SH2D4B: variants seen among roughly 807,000 people sequenced by gnomAD.
The protein encoded by SH2D4B is SH2 domain containing 4B, also known as SH2 domain-containing protein 4B.
SH2D4B carries 45 observed loss-of-function variants against 61.5 expected under a neutral mutation model. The ratio of observed to expected loss-of-function variants is 0.73; its 90% CI spans 0.58 to 0.94. SH2D4B has a LOEUF of 0.94. SH2D4B is among the 40% of genes least tolerant of loss of function. The probability of loss-of-function intolerance (pLI) is 0.00; values close to 1 mark genes in which losing one functional copy is unlikely to be tolerated. For missense variants in SH2D4B, 572 were observed against 574.2 expected, an observed-to-expected ratio of 1.00 and a Z score of 0.04; for synonymous variants, 224 against 220.4, an observed-to-expected ratio of 1.02 and a Z score of -0.14.
At chr10:80,579,727 C>A (rs1199422150) in intron 3 of SH2D4B, among the ~76,000 whole-genome samples, 3 of 151,600 alleles carry the variant, frequency 2.0e-5, no homozygotes, top group African/African-American at 4.9e-5. Flanking sequence ...TTTGGAGTTC[C>A]TTTTGGCCAC....
chr10:80,634,443 A>T lies in SH2D4B; in HGVS notation c.1147A>T (p.Ser383Cys), dbSNP rs1184588999. ...TGTGGATGCTTCTGGGGATTTTTAC[A>T]GCTTCCTGGGAGTGGACCCCAATCG... Reference protein sequence around the residue: ...FLVDASGDFYSFLGVDPNRHA... With the variant: ...FLVDASGDFYCFLGVDPNRHA... Residue 383 changes from serine (S) to cysteine (C), a missense_variant, in exon 7 of 8, where the codon AGC becomes TGC. Ser to Cys is a moderately radical substitution (Grantham distance 112, BLOSUM62 -1). Coordinates refer to ENST00000646907, the MANE Select transcript of SH2D4B (RefSeq NM_001388272.1). 2.6e-6 allele frequency: 4 copies of T among 1,550,460 alleles called. No individual in the cohort carries two copies. In the East Asian group the frequency reaches 9.8e-5, roughly 38 times the overall value.
intron 1 of SH2D4B, chr10:80,540,774 A>T (rs1398309686): frequency 1.3e-6 from 2 of 1,525,934 alleles, no homozygotes; most frequent in Non-Finnish European, 1.8e-6. Flanking sequence ...TAGATGGATC[A>T]TAGGGAACAC....
Position 80,588,689 on chromosome 10 carries a change from G to C in SH2D4B, c.555G>C (p.Gln185His), listed in dbSNP as rs779811530. 3.1e-6 allele frequency: 5 copies of C among 1,614,130 alleles called. No homozygotes were observed. The Admixed American group carries it at 6.7e-5, about 22-fold the overall frequency. The change falls in exon 4 of 8, where the codon CAG becomes CAC. Residue 185 changes from glutamine to histidine, a missense_variant. Coordinates refer to ENST00000646907, the MANE Select transcript of SH2D4B (RefSeq NM_001388272.1). ...AGCAGATTCGCCTCCAGGAAGAGCA[G>C]AGGGCGAAGGAGCTCTACTGGACCC... is the stretch of plus-strand genomic sequence containing the variant. The part of the protein sequence containing the change: ...GEEQIRLQEE[Q>H]RAKELYWTLK...
intron 3 of SH2D4B, among the ~76,000 whole-genome samples, chr10:80,584,650 A>G (rs1842222243): frequency 6.6e-6 from 1 of 152,270 alleles, no homozygotes; most frequent in Non-Finnish European, 1.5e-5. Context: ...AGGTTAAAAA[A>G]ATGTACTTTT....
At chr10:80,627,110 C>T (rs929674966) in intron 6 of SH2D4B, among the ~76,000 whole-genome samples, 5 of 152,174 alleles carry the variant, frequency 3.3e-5, no homozygotes, top group Admixed American at 1.3e-4. Context: ...AACCTCTGTG[C>T]GTCAAAATGG....
At chr10:80,591,505 CTT>C (rs763446349) in intron 4 of SH2D4B, among the ~76,000 whole-genome samples, 4 of 108,904 alleles carry the variant, frequency 3.7e-5, no homozygotes, top group Admixed American at 1.1e-4. Context: ...GCCAAACTGG[CTT>C]TTTTTTTTTT....
At chr10:80,587,403 C>T (rs964360778) in intron 3 of SH2D4B, among the ~76,000 whole-genome samples, 1 of 152,060 alleles carries the variant, frequency 6.6e-6, no homozygotes, top group Non-Finnish European at 1.5e-5. Context: ...CCTCAGCCTG[C>T]CTAGCAGCTG....
chr10:80,608,497 G>A (rs1028948172), intron 5 of SH2D4B, among the ~76,000 whole-genome samples: 3 of 152,200 alleles, frequency 2.0e-5, no homozygotes, highest in South Asian at 2.1e-4. Flanking sequence ...GTCACGTGTC[G>A]TGTGCTGCCA....
At chr10:80,626,903 T>G (rs1308707804) in intron 6 of SH2D4B, among the ~76,000 whole-genome samples, 5 of 152,206 alleles carry the variant, frequency 3.3e-5, no homozygotes, top group African/African-American at 1.2e-4. Context: ...CTCCACCACT[T>G]AATAGATTCT....
At chr10:80,569,414 G>C (rs1842010647) in intron 1 of SH2D4B, among the ~76,000 whole-genome samples, 1 of 152,092 alleles carries the variant, frequency 6.6e-6, no homozygotes, top group Non-Finnish European at 1.5e-5. Flanking sequence ...TGAGAGACAA[G>C]GCGTTGGGGC....
intron 4 of SH2D4B, among the ~76,000 whole-genome samples, chr10:80,591,996 C>A (rs1021054003): frequency 3.9e-5 from 6 of 152,158 alleles, no homozygotes; most frequent in Non-Finnish European, 8.8e-5. Flanking sequence ...CATTTTATAT[C>A]CTTATTAGCA....
chr10:80,592,956 C>T (rs994226646), intron 4 of SH2D4B, among the ~76,000 whole-genome samples: 6 of 151,910 alleles, frequency 3.9e-5, no homozygotes, highest in Non-Finnish European at 8.8e-5. Flanking sequence ...TGAGCTTAAA[C>T]GATCTGCCTG....
intron 4 of SH2D4B, among the ~76,000 whole-genome samples, chr10:80,595,620 G>A (rs1430359708): frequency 6.6e-6 from 1 of 152,140 alleles, no homozygotes; most frequent in African/African-American, 2.4e-5. Context: ...TCCTACCTGA[G>A]TGACTGCTGC....
intron 6 of SH2D4B, among the ~76,000 whole-genome samples, chr10:80,619,820 A>G (rs1057061961): frequency 2.6e-5 from 4 of 152,252 alleles, no homozygotes; most frequent in African/African-American, 4.8e-5. Context: ...ACAGGATAGT[A>G]TATTTAATCT....
At chr10:80,616,443 A>G (rs1842661665) in intron 6 of SH2D4B, among the ~76,000 whole-genome samples, 1 of 152,230 alleles carries the variant, frequency 6.6e-6, no homozygotes, top group Admixed American at 6.5e-5. Flanking sequence ...TGCACTGGCT[A>G]TCTAGTCTCC....
intron 4 of SH2D4B, among the ~76,000 whole-genome samples, chr10:80,601,658 C>T (rs1483241255): frequency 2.0e-5 from 3 of 152,208 alleles, no homozygotes; most frequent in Non-Finnish European, 4.4e-5. Context: ...TCCATAAATA[C>T]CTTCTGAGGG....
intron 1 of SH2D4B, among the ~76,000 whole-genome samples, chr10:80,543,766 TA>T (rs1841621906): frequency 1.3e-5 from 2 of 152,094 alleles, no homozygotes; most frequent in Non-Finnish European, 2.9e-5. Flanking sequence ...TCAAGGTTTG[TA>T]AACACACCAA....
intron 3 of SH2D4B, among the ~76,000 whole-genome samples, chr10:80,581,448 A>G (rs181197133): frequency 6.6e-6 from 1 of 152,308 alleles, no homozygotes; most frequent in African/African-American, 2.4e-5. Flanking sequence ...ATGTAACTAT[A>G]TTTGGAGATA....
rs2132096997 is a variant in SH2D4B, at chr10:80,538,082, G to A, written c.-250G>A. ...AAGGACTAGATTGCTCCTGGTGGTT[G>A]CTCCCCCTTGCAGAGTCCCACCTGC... On this transcript the variant is annotated 5_prime_UTR_variant, in exon 1 of 8. Transcript: ENST00000646907. The surrounding 1 kb of genome is among the most constrained non-coding windows in gnomAD (Gnocchi z 4.8). The A allele has an allele frequency of 7.8e-6, 2 of 255,634 alleles. No individual in the cohort carries two copies. The highest frequency in any genetic ancestry group is 6.9e-5 in the East Asian group (1 of 14,504). 15.8% of individuals were successfully genotyped at this position (255,634 alleles called of 1,614,324 possible).
Sources: allele counts gnomAD v4.1 joint callset (sites outside exome capture counted in the v4.1 genomes callset), GRCh38; gene constraint gnomAD v4.1.1; non-coding constraint Gnocchi (gnomAD v3.1); transcripts MANE v1.5; gene names NCBI Gene and HGNC (gene_info 2026-07-23, HGNC 2026-07-21).